GPC6: variants seen among roughly 807,000 people sequenced by gnomAD.
The protein encoded by GPC6 is glypican 6.
A neutral mutation model predicts 55.2 loss-of-function variants in GPC6; 14 were observed. That is an observed-to-expected ratio of 0.25 (90% CI 0.17 to 0.40). The LOEUF is 0.40. Among genes scored for constraint, GPC6 ranks in the 10% least tolerant of loss-of-function variants. The pLI is 1.00. For missense variants in GPC6, 641 were observed against 708.5 expected (o/e 0.90, Z 1.08); for synonymous variants, 278 against 259.6 (o/e 1.07, Z -0.68).
chr13:93,429,116 G>A (rs1166761150), intron 1 of GPC6, among the ~76,000 whole-genome samples: 1 of 152,002 alleles, frequency 6.6e-6, no homozygotes, highest in Admixed American at 6.6e-5. Context: ...GATAAAAGAG[G>A]GGAAGCAAGT....
chr13:94,268,658 A>G (rs1300623983), intron 4 of GPC6, among the ~76,000 whole-genome samples: 4 of 152,102 alleles, frequency 2.6e-5, no homozygotes, highest in Admixed American at 6.5e-5. Context: ...TTTCATTCCT[A>G]AGTGAGGAGG....
At chr13:93,780,168 TA>T (rs1276529221) in intron 2 of GPC6, among the ~76,000 whole-genome samples, 7 of 151,894 alleles carry the variant, frequency 4.6e-5, no homozygotes, top group African/African-American at 1.4e-4. Context: ...CCCGACAATT[TA>T]AAAAAAGCAT....
intron 4 of GPC6, among the ~76,000 whole-genome samples, chr13:94,266,460 G>A (rs1365669746): frequency 5.3e-5 from 8 of 152,214 alleles, no homozygotes; most frequent in Non-Finnish European, 8.8e-5. Context: ...GAGCCACCGC[G>A]TCCAGCCATC....
chr13:93,506,405 T>A (rs1880714583), intron 1 of GPC6, among the ~76,000 whole-genome samples: 1 of 152,188 alleles, frequency 6.6e-6, no homozygotes, highest in Non-Finnish European at 1.5e-5. Context: ...ACTAACTTGG[T>A]AGCTATTAGG....
intron 3 of GPC6, among the ~76,000 whole-genome samples, chr13:93,981,427 C>T (rs903052208): frequency 1.2e-4 from 18 of 152,018 alleles, no homozygotes; most frequent in Non-Finnish European, 2.2e-4. Context: ...TGTGAGGGAG[C>T]CTGCTTTATT....
chr13:93,785,326 A>G (rs9556325), intron 2 of GPC6, among the ~76,000 whole-genome samples: 45,743 of 152,154 alleles, frequency 0.3, 7,021 homozygotes, highest in African/African-American at 0.33. Context: ...ATAGTCTTTC[A>G]AAAACTTCTG....
intron 6 of GPC6, among the ~76,000 whole-genome samples, chr13:94,373,822 G>T (rs1480783190): frequency 6.6e-6 from 1 of 152,008 alleles, no homozygotes; most frequent in Non-Finnish European, 1.5e-5. Context: ...GAGAAAGGTC[G>T]GGTTACCCTC....
intron 1 of GPC6, among the ~76,000 whole-genome samples, chr13:93,487,752 G>C (rs868629747): frequency 6.6e-6 from 1 of 152,096 alleles, no homozygotes; most frequent in Non-Finnish European, 1.5e-5. Flanking sequence ...AAGCAGTAAC[G>C]TGAAATCCGC....
chr13:94,226,586 A>C (rs1416768467), intron 4 of GPC6, among the ~76,000 whole-genome samples: 1 of 152,166 alleles, frequency 6.6e-6, no homozygotes, highest in African/African-American at 2.4e-5. Flanking sequence ...TTTTCTAAGC[A>C]TCTTCATTCA....
At chr13:93,220,379 C>T in the GPC6 span, among the ~76,000 whole-genome samples, 1 of 152,172 alleles carries the variant, frequency 6.6e-6, no homozygotes. Flanking sequence ...TTTTAATAAT[C>T]CAGGTATGTC....
chr13:94,065,656 G>C (rs1184776451), intron 4 of GPC6, among the ~76,000 whole-genome samples: 2 of 152,170 alleles, frequency 1.3e-5, no homozygotes, highest in African/African-American at 2.4e-5. Context: ...GCAAAGGTTA[G>C]TGCTTCACTT....
chr13:93,419,819 TC>T (rs1876856901), intron 1 of GPC6, among the ~76,000 whole-genome samples: 1 of 152,118 alleles, frequency 6.6e-6, no homozygotes, highest in Non-Finnish European at 1.5e-5. Flanking sequence ...TGACACTGTT[TC>T]TACATTAAAC....
intron 3 of GPC6, among the ~76,000 whole-genome samples, chr13:93,918,506 A>G (rs906646887): frequency 3.3e-5 from 5 of 152,192 alleles, no homozygotes; most frequent in Non-Finnish European, 5.9e-5. Flanking sequence ...CTGGACATTA[A>G]AACGTGCCTC....
rs138608959 is a variant in GPC6 at position 93,667,343 on chromosome 13, A to G, written c.319+121922A>G. 1.4e-4 allele frequency among the ~76,000 whole-genome samples: 22 copies of G among 152,244 alleles called. No homozygotes were observed. In the East Asian group the frequency reaches 4.3e-3, roughly 29 times the overall value. On this transcript the variant is annotated intron_variant, in intron 2 of 8. Transcript: ENST00000377047. ...TCCAGACGATGTAAATCAAAGAGAG[A>G]GAGAGAAAAATCCATGGTCAAGAAA...
At chr13:93,529,018 A>T (rs569422633) in intron 1 of GPC6, among the ~76,000 whole-genome samples, 4 of 152,110 alleles carry the variant, frequency 2.6e-5, no homozygotes, top group African/African-American at 2.4e-5. Context: ...TCACAAAGTG[A>T]TACTTTCTAT....
chr13:94,132,741 A>G (rs1465744688), intron 4 of GPC6, among the ~76,000 whole-genome samples: 1 of 152,062 alleles, frequency 6.6e-6, no homozygotes, highest in Non-Finnish European at 1.5e-5. Flanking sequence ...TCTCTCTCCT[A>G]GGTATTGATT....
intron 2 of GPC6, among the ~76,000 whole-genome samples, chr13:93,604,837 T>G: frequency 1.7e-5 from 1 of 59,516 alleles, no homozygotes; most frequent in East Asian, 3.8e-4. Context: ...ACATAAATAC[T>G]TAGTAAAAGA....
chr13:93,762,975 G>C (rs185892487), intron 2 of GPC6, among the ~76,000 whole-genome samples: 88 of 152,270 alleles, frequency 5.8e-4, no homozygotes, highest in African/African-American at 2.1e-3. Context: ...GTGCACCTTG[G>C]AAAAGATTTA....
At chr13:94,164,270 G>A (rs1280240372) in intron 4 of GPC6, among the ~76,000 whole-genome samples, 2 of 152,018 alleles carry the variant, frequency 1.3e-5, no homozygotes, top group Admixed American at 6.6e-5. Flanking sequence ...ACTTAATATT[G>A]GGATACAACT....
Sources: gnomAD v4.1 joint callset for allele counts (sites outside exome capture counted in the v4.1 genomes callset) on GRCh38, gnomAD v4.1.1 for gene constraint, MANE v1.5 for transcripts, NCBI Gene and HGNC (gene_info 2026-07-23, HGNC 2026-07-21) for gene names.